The following BBS7 variants were observed in gnomAD, a reference collection of about 807,000 sequenced individuals.
The protein encoded by BBS7 is Bardet-Biedl syndrome 7.
BBS7 carries 50 observed loss-of-function variants against 90.3 expected under a neutral mutation model. The observed-to-expected ratio is 0.55, with a 90% CI of 0.44 to 0.70. The LOEUF is 0.70. Ranked by LOEUF, BBS7 falls within the 30% of genes least tolerant of loss-of-function variation. The probability of loss-of-function intolerance (pLI) is 0.00; values close to 1 mark genes in which losing one functional copy is unlikely to be tolerated. For missense variants in BBS7, 729 were observed against 838.9 expected (o/e 0.87, Z 1.62); for synonymous variants, 235 against 287.4 (o/e 0.82, Z 1.85).
chr4:121,833,190 T>C, intron 15 of BBS7, 41 bp downstream of exon 15: 1 of 1,598,082 alleles, frequency 6.3e-7, no homozygotes, highest in South Asian at 1.1e-5. Context: ...GCTACATTTA[T>C]ATAAAACAAC....
intron 2 of BBS7, among the ~76,000 whole-genome samples, chr4:121,864,540 AAT>A (rs1336212955): frequency 2.0e-5 from 3 of 152,226 alleles, no homozygotes; most frequent in African/African-American, 7.2e-5. Flanking sequence ...GTAAACATGT[AAT>A]AATTTTTTTA....
chr4:121,864,184 G>A (rs984156592), intron 2 of BBS7, among the ~76,000 whole-genome samples: 9 of 152,170 alleles, frequency 5.9e-5, no homozygotes, highest in African/African-American at 2.2e-4. Flanking sequence ...TGTCTTCCAC[G>A]AAACTGGTTC....
At chr4:121,833,181 C>A (rs761941904) in intron 15 of BBS7, 50 bp downstream of exon 15, 1 of 1,573,106 alleles carries the variant, frequency 6.4e-7, no homozygotes, top group South Asian at 1.1e-5. Context: ...AACTTAGAAG[C>A]TACATTTATA....
chr4:121,826,115 C>T (rs533449476), intron 18 of BBS7, 122 bp from the exon 19 acceptor site: 12 of 799,030 alleles, frequency 1.5e-5, no homozygotes, highest in Non-Finnish European at 2.1e-5. Flanking sequence ...ATTTAACATA[C>T]ACAAACCTAA....
At chr4:121,847,745 A>G (rs1039688507) in intron 9 of BBS7, among the ~76,000 whole-genome samples, 4 of 152,114 alleles carry the variant, frequency 2.6e-5, no homozygotes, top group African/African-American at 7.2e-5. Flanking sequence ...GAAATACTGT[A>G]ATACTATAAT....
chr4:121,859,438 G>C (rs1167760635), intron 4 of BBS7, among the ~76,000 whole-genome samples: 1 of 152,004 alleles, frequency 6.6e-6, no homozygotes, highest in African/African-American at 2.4e-5. Flanking sequence ...ACAAAGACAA[G>C]ATAATGATAA....
chr4:121,832,478 G>T (rs1725247125), intron 15 of BBS7, among the ~76,000 whole-genome samples: 1 of 152,182 alleles, frequency 6.6e-6, no homozygotes, highest in Non-Finnish European at 1.5e-5. Context: ...CAAGAAGTAG[G>T]CCATTTCACA....
rs753552050 is a variant in BBS7 at position 121,852,958 on chromosome 4, G to C, written c.847C>G (p.Gln283Glu). The C allele has an allele frequency of 1.9e-6, 3 of 1,613,158 alleles. No individual in the cohort carries two copies. In the East Asian group the frequency reaches 6.7e-5, roughly 36 times the overall value. The change falls in exon 8 of 19, where the codon CAG becomes GAG. Residue 283 changes from glutamine (Q) to glutamate (E), a missense_variant and splice_region_variant. Gln to Glu is a conservative substitution (Grantham distance 29). Transcript: ENST00000264499. ...ATAGTCTTTTTTAATGAACTTACCT[G>C]ATCAAATCGTAGAACAGGTTCATTT... ...NANEPVLRFD[Q>E]MLSESVTSIQ...
At chr4:121,832,009 AACACACACACACAC>A (rs375865529) in intron 15 of BBS7, among the ~76,000 whole-genome samples, 6 of 142,768 alleles carry the variant, frequency 4.2e-5, no homozygotes, top group Admixed American at 1.4e-4. Flanking sequence ...AAAAAACAAA[AACACACACACACAC>A]ACACACACAC....
rs1349435009 is a variant in BBS7, at chr4:121,861,922, T to C, written c.166-243A>G. ...TCATTGAAATCTAAATCCTTGTAAT[T>C]CAAAGTACAGTTCACTAAGCAGCAA... On this transcript the variant is annotated intron_variant, in intron 3 of 18. Coordinates refer to ENST00000264499, the MANE Select transcript of BBS7 (RefSeq NM_176824.3). Among the ~76,000 whole-genome samples, 3 of 152,302 alleles carry C rather than the reference T, an allele frequency of 2.0e-5. No homozygotes were observed. In the East Asian group the frequency reaches 5.8e-4, roughly 29 times the overall value.
chr4:121,828,526 G>A (rs1249200261), intron 16 of BBS7, 21 bp from the exon 17 acceptor site: 1 of 1,583,646 alleles, frequency 6.3e-7, no homozygotes, highest in Non-Finnish European at 8.7e-7. Context: ...TTGACCAGAT[G>A]CAGTTAGATA....
At chr4:121,858,852 T>C (rs932695357) in intron 5 of BBS7, 140 bp downstream of exon 5, 5 of 782,394 alleles carry the variant, frequency 6.4e-6, no homozygotes, top group Admixed American at 2.9e-5. Flanking sequence ...AAAATTAATA[T>C]GTCAAATTAT....
intron 9 of BBS7, among the ~76,000 whole-genome samples, chr4:121,848,140 AT>A (rs931303066): frequency 2.6e-5 from 4 of 152,126 alleles, no homozygotes; most frequent in Admixed American, 1.3e-4. Context: ...TTTTCTCCTT[AT>A]TTTTTAACCA....
chr4:121,830,423 A>T (rs1560640280), intron 15 of BBS7, among the ~76,000 whole-genome samples: 1 of 151,630 alleles, frequency 6.6e-6, no homozygotes, highest in African/African-American at 2.4e-5. Flanking sequence ...AAAAAAGATA[A>T]TTTTTTTTTC....
intron 11 of BBS7, among the ~76,000 whole-genome samples, chr4:121,844,530 T>C (rs1345750120): frequency 4.1e-5 from 3 of 73,464 alleles, no homozygotes; most frequent in African/African-American, 1.4e-4. Context: ...TTTCTGCCTT[T>C]AGGTTTTTTT....
intron 14 of BBS7, among the ~76,000 whole-genome samples, chr4:121,834,362 A>G (rs1725341449): frequency 1.3e-5 from 2 of 152,162 alleles, no homozygotes; most frequent in South Asian, 4.1e-4. Flanking sequence ...AGCAAGACAG[A>G]AAGAGTCTGT....
At chr4:121,842,390 T>C (rs1725790621) in intron 12 of BBS7, among the ~76,000 whole-genome samples, 1 of 152,032 alleles carries the variant, frequency 6.6e-6, no homozygotes, top group Admixed American at 6.6e-5. Context: ...ATCCCAGCAC[T>C]TTGGGAGGCT....
At chr4:121,855,440 T>C in intron 6 of BBS7, 49 bp downstream of exon 6, 6 of 1,524,450 alleles carry the variant, frequency 3.9e-6, no homozygotes, top group Non-Finnish European at 2.7e-6. Flanking sequence ...CCATTTTCAC[T>C]TACTATTAAA....
In BBS7 at chr4:121,833,297, GCTGGA is replaced by G. The variant is rs1324453747; in HGVS notation, c.1605_1609del (p.Pro536ArgfsTer18). On this transcript the variant is annotated frameshift_variant, in exon 15 of 19. Transcript: ENST00000264499. LOFTEE classifies it high-confidence loss of function. ...AAAGTAAAATGTCACACATTCTCCT[GCTGGA>G]GGTTTTTCTGGAACTTCAGGCAGAC... is the stretch of plus-strand genomic sequence containing the variant. The G allele has an allele frequency of 1.2e-6, 2 of 1,613,976 alleles. No homozygotes were observed.
Sources: gnomAD v4.1 joint callset for allele counts (sites outside exome capture counted in the v4.1 genomes callset) on GRCh38, gnomAD v4.1.1 for gene constraint, MANE v1.5 for transcripts, NCBI Gene and HGNC (gene_info 2026-07-23, HGNC 2026-07-21) for gene names.